The following AK5 variants were observed in gnomAD, a reference collection of about 807,000 sequenced individuals.
AK5 encodes the protein adenylate kinase isoenzyme 5.
In AK5, 27 loss-of-function variants were observed where a neutral mutation model predicts 69.5. The observed-to-expected ratio is 0.39, with a 90% confidence interval of 0.29 to 0.54. AK5 has a LOEUF of 0.54. Ranked by LOEUF, AK5 falls within the 20% of genes least tolerant of loss-of-function variation. AK5 has a pLI of 0.71. For synonymous variants in AK5, 260 were observed against 244.4 expected (o/e 1.06, Z -0.60); for missense variants, 531 against 700.4 (o/e 0.76, Z 2.73).
At chr1:77,361,116 CTTCTA>C (rs1227918870) in intron 6 of AK5, among the ~76,000 whole-genome samples, 1 of 152,204 alleles carries the variant, frequency 6.6e-6, no homozygotes, top group Non-Finnish European at 1.5e-5. Flanking sequence ...TGCTCTGGCT[CTTCTA>C]TTCTACCTTT....
chr1:77,315,272 G>GT (rs1331073576), intron 5 of AK5, among the ~76,000 whole-genome samples: 1 of 151,536 alleles, frequency 6.6e-6, no homozygotes, highest in Non-Finnish European at 1.5e-5. Context: ...TCACATTTTT[G>GT]TTTTTTTCAC....
At chr1:77,550,517 A>T (rs1659772523) in intron 13 of AK5, among the ~76,000 whole-genome samples, 1 of 152,214 alleles carries the variant, frequency 6.6e-6, no homozygotes, top group South Asian at 2.1e-4. Flanking sequence ...TTCACAGAAA[A>T]CAGTCAGTAA....
chr1:77,506,431 A>G (rs552366212), intron 10 of AK5, among the ~76,000 whole-genome samples: 1 of 152,190 alleles, frequency 6.6e-6, no homozygotes. Flanking sequence ...TGTGAGCTGT[A>G]GGAGGTCACC....
intron 6 of AK5, among the ~76,000 whole-genome samples, chr1:77,402,866 G>C (rs1399362818): frequency 1.3e-5 from 2 of 152,120 alleles, no homozygotes; most frequent in Admixed American, 1.3e-4. Flanking sequence ...CTGAGGAATC[G>C]CCACACTGTC....
chr1:77,311,458 C>T (rs1049801030), intron 5 of AK5, among the ~76,000 whole-genome samples: 4 of 151,978 alleles, frequency 2.6e-5, no homozygotes, highest in African/African-American at 9.7e-5. Context: ...CTTGAAGCCT[C>T]GGTGTTTGCC....
At chr1:77,519,020 G>T (rs994296519) in intron 11 of AK5, among the ~76,000 whole-genome samples, 2 of 152,114 alleles carry the variant, frequency 1.3e-5, no homozygotes, top group African/African-American at 4.8e-5. Flanking sequence ...GAATTGGAAA[G>T]GCTTCAAAAT....
At chr1:77,352,043 C>T (rs1387931523) in intron 6 of AK5, among the ~76,000 whole-genome samples, 2 of 151,360 alleles carry the variant, frequency 1.3e-5, no homozygotes, top group Non-Finnish European at 2.9e-5. Context: ...AATTCTCCTG[C>T]CTCAGCCTCC....
At chr1:77,492,586 G>A (rs533642867) in intron 10 of AK5, among the ~76,000 whole-genome samples, 1 of 152,306 alleles carries the variant, frequency 6.6e-6, no homozygotes, top group South Asian at 2.1e-4. Context: ...AAGGGAAAAA[G>A]TTCCTTGTGC....
At chr1:77,337,195 A>G (rs1382844586) in intron 5 of AK5, among the ~76,000 whole-genome samples, 3 of 152,206 alleles carry the variant, frequency 2.0e-5, no homozygotes, top group African/African-American at 7.2e-5. Context: ...AGTGTTTCAA[A>G]AGCCAATACC....
chr1:77,293,899 G>C lies in AK5; in HGVS notation c.354G>C (p.Leu118Phe). The stretch of plus-strand genomic sequence containing the variant: ...CGGATCTCTCTGAGACTGCAGAGTT[G>C]ATTGAGGAGTATGAGGTTTTTGATC... ...SDTDLSETAE[L>F]IEEYEVFDPT... The change falls in exon 3 of 14, where the codon TTG becomes TTC. Residue 118 changes from leucine (L) to phenylalanine (F), a missense_variant. Leu to Phe is a conservative substitution (Grantham distance 22, BLOSUM62 0). Transcript: ENST00000354567. 1.9e-6 allele frequency: 3 copies of C among 1,613,592 alleles called. No homozygotes were observed. The highest frequency in any genetic ancestry group is 3.3e-4 in the Middle Eastern group (2 of 6,062).
rs138619546 is a variant in AK5 at position 77,533,633 on chromosome 1, G to A, written c.1429-2214G>A. ...TGCTGGTCCGTGGGCCACACTTTGG[G>A]AATCAGTGTGGAAGAAAAAGCTACC... On this transcript the variant is annotated intron_variant, in intron 12 of 13. Transcript: ENST00000354567. 3.9e-5 allele frequency among the ~76,000 whole-genome samples: 6 copies of A among 152,100 alleles called. No homozygotes were observed. The East Asian group carries it at 7.7e-4, about 20-fold the overall frequency.
At chr1:77,367,172 G>A (rs577174881) in intron 6 of AK5, among the ~76,000 whole-genome samples, 1 of 151,620 alleles carries the variant, frequency 6.6e-6, no homozygotes, top group Non-Finnish European at 1.5e-5. Context: ...TATGGGTTGA[G>A]TATCCTTTAT....
At chr1:77,364,148 G>A (rs1164489535) in intron 6 of AK5, among the ~76,000 whole-genome samples, 2 of 152,096 alleles carry the variant, frequency 1.3e-5, no homozygotes, top group Admixed American at 1.3e-4. Context: ...ATATGTTAAT[G>A]GACATTAAGA....
chr1:77,352,253 T>C (rs1662251709), intron 6 of AK5, among the ~76,000 whole-genome samples: 1 of 152,070 alleles, frequency 6.6e-6, no homozygotes, highest in South Asian at 2.1e-4. Flanking sequence ...CTATGAAAAA[T>C]GGTTAAAATA....
At chr1:77,470,790 T>C (rs1654410961) in intron 8 of AK5, among the ~76,000 whole-genome samples, 1 of 141,016 alleles carries the variant, frequency 7.1e-6, no homozygotes, top group African/African-American at 2.6e-5. Flanking sequence ...TTTGTCTTCA[T>C]GATTTTGAAT....
At chr1:77,503,751 A>G (rs988769928) in intron 10 of AK5, among the ~76,000 whole-genome samples, 1 of 152,070 alleles carries the variant, frequency 6.6e-6, no homozygotes, top group Admixed American at 6.6e-5. Flanking sequence ...AATATACCAA[A>G]AAAATGAGCC....
rs940198562 is a variant in AK5, at chr1:77,492,914, C to T, written c.1147+6562C>T. ...AAAACCTGCAAGGTGGGAGAATGGCCCTGACATGGAGACTGAACTTTGAAC... is the reference window on the plus strand; with the variant it reads ...AAAACCTGCAAGGTGGGAGAATGGCTCTGACATGGAGACTGAACTTTGAAC... On this transcript the variant is annotated intron_variant, in intron 10 of 13. Coordinates refer to ENST00000354567, the MANE Select transcript of AK5 (RefSeq NM_174858.3). 5.9e-5 allele frequency among the ~76,000 whole-genome samples: 9 copies of T among 152,208 alleles called. No individual in the cohort carries two copies. In the South Asian group the frequency reaches 1.9e-3, roughly 32 times the overall value.
intron 12 of AK5, among the ~76,000 whole-genome samples, chr1:77,530,262 C>T (rs143578666): frequency 2.6e-5 from 4 of 152,220 alleles, no homozygotes; most frequent in South Asian, 2.1e-4. Flanking sequence ...CTTAGAGCTG[C>T]GTAATGGTGT....
At chr1:77,542,565 A>T (rs1373477034) in intron 13 of AK5, among the ~76,000 whole-genome samples, 1 of 152,206 alleles carries the variant, frequency 6.6e-6, no homozygotes, top group African/African-American at 2.4e-5. Flanking sequence ...AGCTGAGAGA[A>T]ACCACAGAAA....
Sources: allele counts gnomAD v4.1 joint callset (sites outside exome capture counted in the v4.1 genomes callset), GRCh38; gene constraint gnomAD v4.1.1; transcripts MANE v1.5; gene names NCBI Gene and HGNC (gene_info 2026-07-23, HGNC 2026-07-21).